The following GUCA1C variants were observed in gnomAD, a reference collection of about 807,000 sequenced individuals.
GUCA1C encodes the protein guanylyl cyclase-activating protein 3.
Under a neutral mutation model 16.2 loss-of-function variants are expected in GUCA1C, and 15 were observed. The ratio of observed to expected loss-of-function variants is 0.93; its 90% CI spans 0.62 to 1.43. GUCA1C has a LOEUF of 1.43. Among genes scored for constraint, GUCA1C ranks in the 40% most tolerant of loss-of-function variants. The pLI, the probability that GUCA1C is intolerant of heterozygous loss-of-function variation, is 0.00. For missense variants in GUCA1C, 275 were observed against 244.8 expected, an observed-to-expected ratio of 1.12 and a Z score of -0.82; for synonymous variants, 78 against 85.4, an observed-to-expected ratio of 0.91 and a Z score of 0.48.
chr3:108,932,335 AAAAAC>A lies in GUCA1C; in HGVS notation c.205-11755_205-11751del, dbSNP rs1164221296. ...CTAGACCTCCCACCAAAAAAAAAAA[AAAAAC>A]AAAAAAAAAAAACAGCATCAAAGCT... On this transcript the variant is annotated intron_variant, in intron 1 of 3. Coordinates refer to ENST00000261047, the MANE Select transcript of GUCA1C (RefSeq NM_005459.4). 2.4e-3 allele frequency among the ~76,000 whole-genome samples: 279 copies of A among 116,444 alleles called. 2 individuals are homozygous for A. The highest frequency in any genetic ancestry group is 0.01 in the African/African-American group (265 of 25,956). The allele number at this position is 116,444 out of a possible 152,430, so 76.4% of individuals were successfully genotyped here.
At chr3:108,939,323 G>GTTTTTTTTTTTTTTTTT (rs1491279760) in intron 1 of GUCA1C, among the ~76,000 whole-genome samples, 8 of 33,222 alleles carry the variant, frequency 2.4e-4, no homozygotes, top group Non-Finnish European at 5.6e-4. Flanking sequence ...TTGCTTCAAG[G>GTTTTTTTTTTTTTTTTT]CTTTTTTTTT....
chr3:108,952,258 G>A (rs549525354), intron 1 of GUCA1C, among the ~76,000 whole-genome samples: 239 of 152,264 alleles, frequency 1.6e-3, no homozygotes, highest in Admixed American at 2.9e-3. Context: ...TAAAGACAAC[G>A]TGGCATCATG....
At chr3:108,910,965 T>C (rs1946447038) in intron 3 of GUCA1C, among the ~76,000 whole-genome samples, 1 of 152,322 alleles carries the variant, frequency 6.6e-6, no homozygotes, top group Non-Finnish European at 1.5e-5. Flanking sequence ...ATTTCAATTT[T>C]TGTAGGACAT....
At chr3:108,946,891 GAA>G (rs10607933) in intron 1 of GUCA1C, among the ~76,000 whole-genome samples, 20,374 of 96,208 alleles carry the variant, frequency 0.21, 1,604 homozygotes, top group Middle Eastern at 0.31. Context: ...TCAAGAATCT[GAA>G]AAAAAAAAAA....
At chr3:108,911,508 C>A (rs963653353) in intron 3 of GUCA1C, among the ~76,000 whole-genome samples, 1 of 152,142 alleles carries the variant, frequency 6.6e-6, no homozygotes, top group Non-Finnish European at 1.5e-5. Context: ...ACCAAGTTGT[C>A]AAGGGAGGAT....
At chr3:108,946,314 T>G (rs187983745) in intron 1 of GUCA1C, among the ~76,000 whole-genome samples, 1 of 152,038 alleles carries the variant, frequency 6.6e-6, no homozygotes, top group African/African-American at 2.4e-5. Context: ...GCGTTTTTTT[T>G]AGAGACAAGG....
chr3:108,918,137 A>C (rs1178561464), intron 2 of GUCA1C, among the ~76,000 whole-genome samples: 1 of 152,214 alleles, frequency 6.6e-6, no homozygotes, highest in Non-Finnish European at 1.5e-5. Context: ...GCACCGTTGA[A>C]TACTTAGCGG....
At chr3:108,937,098 T>C (rs1462238840) in intron 1 of GUCA1C, among the ~76,000 whole-genome samples, 1 of 152,190 alleles carries the variant, frequency 6.6e-6, no homozygotes, top group Admixed American at 6.5e-5. Flanking sequence ...TTCCAAGGCC[T>C]GACGTGTTCA....
At chr3:108,930,666 C>T (rs905704559) in intron 1 of GUCA1C, among the ~76,000 whole-genome samples, 1 of 152,200 alleles carries the variant, frequency 6.6e-6, no homozygotes, top group African/African-American at 2.4e-5. Context: ...TTTACCCCAT[C>T]ACTAACTCTG....
chr3:108,922,584 A>C (rs1946580236), intron 1 of GUCA1C, among the ~76,000 whole-genome samples: 1 of 152,036 alleles, frequency 6.6e-6, no homozygotes. Context: ...CATTTCCCTG[A>C]TAATTAGTTA....
chr3:108,916,217 G>A lies in GUCA1C; in HGVS notation c.355-3C>T, dbSNP rs770863797. The stretch of plus-strand genomic sequence containing the variant: ...TGGCCATTGAGGGCTTGTACCGCCT[G>A]CAAAAAGACATTAAATGAAAGAGGT... On this transcript the variant is annotated splice_polypyrimidine_tract_variant and splice_region_variant and intron_variant, in intron 2 of 3. Transcript: ENST00000261047. 6.9e-6 allele frequency: 11 copies of A among 1,602,456 alleles called. No homozygotes were observed. The highest frequency in any genetic ancestry group is 1.3e-5 in the African/African-American group (1 of 74,208).
chr3:108,919,988 A>G (rs1221129228), intron 2 of GUCA1C, among the ~76,000 whole-genome samples: 1 of 152,166 alleles, frequency 6.6e-6, no homozygotes, highest in East Asian at 1.9e-4. Flanking sequence ...AGATATGGAA[A>G]AGATCTGAGA....
intron 1 of GUCA1C, among the ~76,000 whole-genome samples, chr3:108,933,911 C>G (rs749828208): frequency 2.0e-5 from 3 of 152,096 alleles, no homozygotes; most frequent in African/African-American, 7.2e-5. Context: ...TTCACAATAG[C>G]AAAGACTTGG....
At chr3:108,908,340 A>T in intron 3 of GUCA1C, 131 bp from the exon 4 acceptor site, 1 of 422,516 alleles carries the variant, frequency 2.4e-6, no homozygotes, top group Admixed American at 4.3e-5. Context: ...AAGATCTTTG[A>T]AGATCTTCAT....
chr3:108,915,856 T>G (rs1946504459), intron 3 of GUCA1C: 4 of 449,894 alleles, frequency 8.9e-6, no homozygotes, highest in Non-Finnish European at 1.6e-5. Flanking sequence ...GGTACTTACT[T>G]CATCCTATAT....
chr3:108,922,037 T>C (rs1052894852), intron 1 of GUCA1C, among the ~76,000 whole-genome samples: 2 of 152,172 alleles, frequency 1.3e-5, no homozygotes, highest in African/African-American at 4.8e-5. Flanking sequence ...GGTTTTTCCA[T>C]TTCTGAGTTA....
chr3:108,919,795 C>T (rs1576546230), intron 2 of GUCA1C, among the ~76,000 whole-genome samples: 1 of 152,148 alleles, frequency 6.6e-6, no homozygotes, highest in South Asian at 2.1e-4. Flanking sequence ...TTGAGTCTGC[C>T]TTACAAATTC....
At chr3:108,944,145 T>C (rs954307602) in intron 1 of GUCA1C, among the ~76,000 whole-genome samples, 2 of 152,058 alleles carry the variant, frequency 1.3e-5, no homozygotes, top group African/African-American at 4.8e-5. Flanking sequence ...ATGTGGAAGA[T>C]ATGGTGGCCT....
intron 3 of GUCA1C, among the ~76,000 whole-genome samples, chr3:108,914,278 C>T (rs916467811): frequency 6.6e-6 from 1 of 152,072 alleles, no homozygotes. Context: ...TCTTTTAACC[C>T]AGCCCTTTCT....
Sources: allele counts gnomAD v4.1 joint callset (sites outside exome capture counted in the v4.1 genomes callset), GRCh38; gene constraint gnomAD v4.1.1; transcripts MANE v1.5; gene names NCBI Gene and HGNC (gene_info 2026-07-23, HGNC 2026-07-21).